Variants in REL observed in about 807,000 individuals in gnomAD.
REL encodes the protein proto-oncogene c-Rel.
REL carries 15 observed loss-of-function variants against 45.9 expected under a neutral mutation model. The observed-to-expected ratio is 0.33, with a 90% CI of 0.22 to 0.50. The LOEUF (loss-of-function observed/expected upper bound fraction) is 0.50. Among genes scored for constraint, REL ranks in the 20% least tolerant of loss-of-function variants. The probability of loss-of-function intolerance (pLI) is 0.98; values close to 1 mark genes in which losing one functional copy is unlikely to be tolerated. For synonymous variants in REL, 239 were observed against 242.1 expected (o/e 0.99, Z 0.12); for missense variants, 601 against 715.2 (o/e 0.84, Z 1.82).
chr2:60,899,142 T>C (rs996914487), intron 3 of REL: 2 of 152,110 alleles, frequency 1.3e-5, no homozygotes, highest in Non-Finnish European at 2.9e-5. Flanking sequence ...TGGAAATACT[T>C]TTGAGGAAGA....
chr2:60,930,586 G>C lies in REL; in HGVS notation c.*8051G>C, dbSNP rs1401927777. On this transcript the variant is annotated 3_prime_UTR_variant, in exon 10 of 10. Transcript: ENST00000394479. ...TAAGCACAAAGTTAACAGTGGGTAG[G>C]ATTGAATCTTGAAAGTAATCATGTC... The C allele has an allele frequency of 3.3e-5, 5 of 152,262 alleles. No individual in the cohort carries two copies. Among genetic ancestry groups the C allele is most frequent in the African/African-American group, 1.2e-4 (5 of 41,440 alleles). 9.4% of individuals were successfully genotyped at this position (152,262 alleles called of 1,614,324 possible).
intron 1 of REL, among the ~76,000 whole-genome samples, chr2:60,886,941 A>G (rs1673086247): frequency 6.6e-6 from 1 of 152,204 alleles, no homozygotes; most frequent in African/African-American, 2.4e-5. Flanking sequence ...CCAGCTTTGC[A>G]TAGTGTTGCT....
intron 4 of REL, among the ~76,000 whole-genome samples, chr2:60,905,498 T>G (rs1234639222): frequency 6.6e-6 from 1 of 152,206 alleles, no homozygotes; most frequent in Non-Finnish European, 1.5e-5. Context: ...CAGGCCACAC[T>G]TCCACTAATT....
Position 60,929,958 on chromosome 2 carries a change from G to A in REL, c.*7423G>A, listed in dbSNP as rs911087251. The A allele has an allele frequency of 6.6e-6, 1 of 151,506 alleles. No homozygotes were observed. Among genetic ancestry groups the A allele is most frequent in the African/African-American group, 2.4e-5 (1 of 41,184 alleles). The allele number at this position is 151,506 out of a possible 1,614,324, so 9.4% of individuals were successfully genotyped here. A position where few individuals can be genotyped will look rare whatever the true frequency, so the allele number is the denominator to read the frequency against. On this transcript the variant is annotated 3_prime_UTR_variant, in exon 10 of 10. Coordinates refer to ENST00000394479, the MANE Select transcript of REL (RefSeq NM_001291746.2). The stretch of plus-strand genomic sequence containing the variant: ...TGAGTCTGTAGTGAGCAGTGATTAC[G>A]CCACTGCACTCCAGCCTGGGCAAGA...
Position 60,922,831 on chromosome 2 carries a change from A to T in REL, c.*296A>T. 4.5e-6 allele frequency: 3 copies of T among 669,028 alleles called. No homozygotes were observed. Among genetic ancestry groups the T allele is most frequent in the Middle Eastern group, 7.1e-4 (1 of 1,418 alleles). The allele number at this position is 669,028 out of a possible 1,614,324, so 41.4% of individuals were successfully genotyped here. ...GGCCAAGGCGGGTGGATCACTTGAG[A>T]CCAGGAATTCGAGACCAGCCTGGCC... On this transcript the variant is annotated 3_prime_UTR_variant, in exon 10 of 10. Transcript: ENST00000394479.
chr2:60,927,592 C>G lies in REL; in HGVS notation c.*5057C>G, dbSNP rs562580723. On this transcript the variant is annotated 3_prime_UTR_variant, in exon 10 of 10. Transcript: ENST00000394479. Reference sequence around the variant, plus strand: ...AGCACCTAACCCTCACACAACACTCCAGTATTGATGCAGTCAATCTTGTAT... The same window carrying G: ...AGCACCTAACCCTCACACAACACTCGAGTATTGATGCAGTCAATCTTGTAT... 8.7e-6 allele frequency: 2 copies of G among 230,172 alleles called. No homozygotes were observed. Among genetic ancestry groups the G allele is most frequent in the South Asian group, 1.8e-4 (1 of 5,510 alleles). 14.3% of individuals were successfully genotyped at this position (230,172 alleles called of 1,614,324 possible).
chr2:60,911,969 G>A (rs1421285443), intron 4 of REL, among the ~76,000 whole-genome samples: 4 of 133,510 alleles, frequency 3.0e-5, no homozygotes, highest in African/African-American at 1.2e-4. Flanking sequence ...CTGCACTCCA[G>A]CCTGGGCAAA....
chr2:60,916,876 G>T lies in REL; in HGVS notation c.395-1G>T. 1 of 1,609,236 alleles carries T rather than the reference G, an allele frequency of 6.2e-7. No homozygotes were observed. The highest frequency in any genetic ancestry group is 8.5e-7 in the Non-Finnish European group (1 of 1,178,030). On this transcript the variant is annotated splice_acceptor_variant, in intron 4 of 9. Transcript: ENST00000394479. LOFTEE classifies it high-confidence loss of function. ...TTAAAAAATTTTTTTTTTCTATTCA[G>T]TCCCTGAAAAACAGCTGAATGATAT...
At chr2:60,907,759 C>T (rs938613956) in intron 4 of REL, among the ~76,000 whole-genome samples, 1 of 150,196 alleles carries the variant, frequency 6.7e-6, no homozygotes, top group African/African-American at 2.5e-5. Context: ...GGTGTGATCT[C>T]GGCTCACTGC....
At chr2:60,914,403 A>G (rs1673901573) in intron 4 of REL, among the ~76,000 whole-genome samples, 1 of 152,222 alleles carries the variant, frequency 6.6e-6, no homozygotes. Context: ...TCTCATAAAC[A>G]GTGATTTTTT....
In REL at chr2:60,920,097, T is replaced by C. The variant is rs1226625547; in HGVS notation, c.910T>C (p.Cys304Arg). ...GACAACTCTGCTTTTCCAGAAACTG[T>C]GCCAGGATCACGGTAAGAATAGTTT... ...QKTTLLFQKL[C>R]QDHVNFPERP... is the part of the protein sequence containing the mutation. The change falls in exon 8 of 10, where the codon TGC becomes CGC. Residue 304 changes from cysteine (C) to arginine (R), a missense_variant. Cys to Arg is a radical substitution (Grantham distance 180). Around this residue, in one of 4 missense-constraint regions of REL, gnomAD observed 241 missense variants for 347.0 expected, o/e 0.69. Transcript: ENST00000394479. 6.2e-7 allele frequency: 1 copy of C among 1,609,542 alleles called. No homozygotes were observed. The highest frequency in any genetic ancestry group is 1.3e-5 in the African/African-American group (1 of 74,922).
intron 1 of REL, among the ~76,000 whole-genome samples, chr2:60,887,970 C>T (rs1673110977): frequency 6.6e-6 from 1 of 151,532 alleles, no homozygotes; most frequent in Admixed American, 6.6e-5. Context: ...CTCTGTCACC[C>T]AGGCTAGAGT....
chr2:60,912,254 A>C lies in REL; in HGVS notation c.395-4623A>C, dbSNP rs946756246. ...CAATCACCTGTGACCCTGAACTGGA[A>C]TAATTGGGTAAATCATTATCTTAAC... On this transcript the variant is annotated intron_variant, in intron 4 of 9. Coordinates refer to ENST00000394479, the MANE Select transcript of REL (RefSeq NM_001291746.2). 2.0e-5 allele frequency among the ~76,000 whole-genome samples: 3 copies of C among 152,090 alleles called. No individual in the cohort carries two copies. In the East Asian group the frequency reaches 5.8e-4, roughly 29 times the overall value.
At chr2:60,917,596 C>T (rs1674011950) in intron 5 of REL, among the ~76,000 whole-genome samples, 1 of 142,014 alleles carries the variant, frequency 7.0e-6, no homozygotes, top group South Asian at 2.2e-4. Flanking sequence ...GTGGTGCAGT[C>T]ATGGCTCACT....
At chr2:60,895,478 C>T (rs545268713) in intron 3 of REL, among the ~76,000 whole-genome samples, 6 of 152,172 alleles carry the variant, frequency 3.9e-5, no homozygotes, top group African/African-American at 9.6e-5. Flanking sequence ...TGCTGTGCCA[C>T]GCCCATTTAC....
At chr2:60,888,451 A>C (rs1011223566) in intron 1 of REL, among the ~76,000 whole-genome samples, 1 of 152,210 alleles carries the variant, frequency 6.6e-6, no homozygotes, top group Non-Finnish European at 1.5e-5. Flanking sequence ...AGTTTTTAAG[A>C]GGAAAATATA....
At chr2:60,881,977 T>C in intron 1 of REL, 127 bp downstream of exon 1, 8 of 600,804 alleles carry the variant, frequency 1.3e-5, no homozygotes, top group Non-Finnish European at 2.1e-5. Flanking sequence ...TCTCATATGG[T>C]AAAATTGTCA....
chr2:60,914,032 C>T (rs1269815382), intron 4 of REL, among the ~76,000 whole-genome samples: 2 of 152,168 alleles, frequency 1.3e-5, no homozygotes, highest in Admixed American at 6.5e-5. Flanking sequence ...AGTGGAGATA[C>T]ATCAGACATC....
chr2:60,889,825 C>T (rs2103923252), intron 1 of REL, among the ~76,000 whole-genome samples: 1 of 152,326 alleles, frequency 6.6e-6, no homozygotes, highest in East Asian at 1.9e-4. Context: ...ATATGTGCCA[C>T]ATTTTCTTAA....
Sources: allele counts gnomAD v4.1 joint callset (sites outside exome capture counted in the v4.1 genomes callset), GRCh38; gene constraint gnomAD v4.1.1; regional missense constraint gnomAD v4.1.1; transcripts MANE v1.5; gene names NCBI Gene and HGNC (gene_info 2026-07-23, HGNC 2026-07-21).